Variants in FSTL5 observed in about 807,000 individuals in gnomAD.
FSTL5 encodes the protein follistatin-related protein 5.
FSTL5 carries 62 observed loss-of-function variants against 89.1 expected under a neutral mutation model. The observed-to-expected ratio is 0.70, with a 90% CI of 0.57 to 0.86. The LOEUF is 0.86. FSTL5 is among the 40% of genes least tolerant of loss of function. FSTL5 has a pLI of 0.00. For synonymous variants in FSTL5, 383 were observed against 346.2 expected, an observed-to-expected ratio of 1.11 and a Z score of -1.18; for missense variants, 1,057 against 1,001.6, an observed-to-expected ratio of 1.06 and a Z score of -0.75.
At chr4:161,882,236 T>C (rs1579165613) in intron 4 of FSTL5, among the ~76,000 whole-genome samples, 1 of 152,100 alleles carries the variant, frequency 6.6e-6, no homozygotes, top group East Asian at 1.9e-4. Flanking sequence ...TTCTTTTTCT[T>C]CTCTAAGACT....
At chr4:161,565,126 G>C (rs1184371547) in intron 8 of FSTL5, among the ~76,000 whole-genome samples, 2 of 151,806 alleles carry the variant, frequency 1.3e-5, no homozygotes, top group African/African-American at 4.8e-5. Flanking sequence ...CGAAAGCAAA[G>C]AATTCATAAG....
At chr4:161,640,517 A>T (rs911758168) in intron 7 of FSTL5, among the ~76,000 whole-genome samples, 4 of 152,208 alleles carry the variant, frequency 2.6e-5, no homozygotes, top group African/African-American at 9.6e-5. Context: ...ATAGCAACTA[A>T]AATGAAAAGT....
chr4:162,080,859 C>T (rs918444228), intron 2 of FSTL5, among the ~76,000 whole-genome samples: 2 of 151,484 alleles, frequency 1.3e-5, no homozygotes, highest in African/African-American at 2.4e-5. Flanking sequence ...CAGACAAATC[C>T]TAAATAAATG....
At chr4:161,942,534 T>C in intron 3 of FSTL5, among the ~76,000 whole-genome samples, 1 of 152,000 alleles carries the variant, frequency 6.6e-6, no homozygotes, top group South Asian at 2.1e-4. Context: ...CAATCAAATA[T>C]AGCCCAGGAG....
At chr4:161,670,872 A>G (rs5005966) in intron 6 of FSTL5, among the ~76,000 whole-genome samples, 65,201 of 151,988 alleles carry the variant, frequency 0.43, 14,411 homozygotes, top group East Asian at 0.7. Context: ...AATCAAAATC[A>G]CAGGATACCT....
chr4:161,588,996 TG>T (rs1039379278), intron 7 of FSTL5, among the ~76,000 whole-genome samples: 6 of 138,320 alleles, frequency 4.3e-5, no homozygotes, highest in Admixed American at 7.3e-5. Flanking sequence ...CTATCCCTAA[TG>T]TTTTTTTTTT....
At chr4:161,759,630 G>T in intron 5 of FSTL5, 99 bp from the exon 6 acceptor site, 1 of 727,518 alleles carries the variant, frequency 1.4e-6, no homozygotes, top group Non-Finnish European at 1.9e-6. Flanking sequence ...TTCATTTCAT[G>T]TCTGCAGCAG....
intron 4 of FSTL5, among the ~76,000 whole-genome samples, chr4:161,779,313 T>G (rs1160103763): frequency 6.6e-6 from 1 of 152,164 alleles, no homozygotes; most frequent in African/African-American, 2.4e-5. Flanking sequence ...ATTCTATAAA[T>G]ATGTACAATA....
chr4:161,920,110 T>A (rs916181282), intron 4 of FSTL5, among the ~76,000 whole-genome samples: 1 of 152,208 alleles, frequency 6.6e-6, no homozygotes, highest in Non-Finnish European at 1.5e-5. Context: ...GTAGACTGAA[T>A]TGGCCACCCT....
At position 161,872,663 on chromosome 4, in the gene FSTL5, G is replaced by A. The variant is rs534696353; in HGVS notation, c.409+47741C>T. Among the ~76,000 whole-genome samples the A allele has an allele frequency of 6.6e-5, 10 of 152,260 alleles. No individual in the cohort carries two copies. The South Asian group carries it at 2.1e-3, about 32-fold the overall frequency. On this transcript the variant is annotated intron_variant, in intron 4 of 15. Transcript: ENST00000306100. ...TTGAGTATCAAGAGTGACAGACGAAGGCAAATTCAGACTGAAGTTAGGTGA... is the reference window on the plus strand; with the variant it reads ...TTGAGTATCAAGAGTGACAGACGAAAGCAAATTCAGACTGAAGTTAGGTGA...
intron 6 of FSTL5, among the ~76,000 whole-genome samples, chr4:161,754,720 C>T (rs1476964359): frequency 6.6e-6 from 1 of 151,944 alleles, no homozygotes; most frequent in Non-Finnish European, 1.5e-5. Context: ...GTTTCATAAC[C>T]TAAGCAAATA....
chr4:161,486,165 A>AAAAAAAT (rs201126683), intron 12 of FSTL5, among the ~76,000 whole-genome samples: 4 of 147,516 alleles, frequency 2.7e-5, no homozygotes, highest in Non-Finnish European at 4.5e-5. Flanking sequence ...AAAAAAAAAA[A>AAAAAAAT]GTAAATATCT....
At chr4:161,979,178 A>G (rs536018042) in intron 3 of FSTL5, among the ~76,000 whole-genome samples, 2 of 152,164 alleles carry the variant, frequency 1.3e-5, no homozygotes, top group African/African-American at 2.4e-5. Context: ...GTCCTAGCCC[A>G]TATTGGCTTA....
At chr4:162,091,633 T>G (rs943288219) in intron 2 of FSTL5, among the ~76,000 whole-genome samples, 1 of 152,158 alleles carries the variant, frequency 6.6e-6, no homozygotes, top group Admixed American at 6.6e-5. Context: ...AAGGTTTCAT[T>G]TGTGGCCTGA....
intron 3 of FSTL5, among the ~76,000 whole-genome samples, chr4:162,000,210 T>A (rs1736419034): frequency 6.6e-6 from 1 of 152,220 alleles, no homozygotes; most frequent in Non-Finnish European, 1.5e-5. Flanking sequence ...GCAGATTGAA[T>A]AATTTTCTTT....
chr4:161,997,094 C>A (rs1736317397), intron 3 of FSTL5, among the ~76,000 whole-genome samples: 2 of 152,104 alleles, frequency 1.3e-5, no homozygotes, highest in South Asian at 2.1e-4. Flanking sequence ...AACATTTTAA[C>A]TTTTTATTAC....
At position 161,542,634 on chromosome 4, in the gene FSTL5, T is replaced by C. The variant is rs1731866921; in HGVS notation, c.1075A>G (p.Ser359Gly). The change falls in exon 9 of 16, where the codon AGT becomes GGT. Residue 359 changes from serine (S) to glycine (G), a missense_variant. Physicochemically the swap from Ser to Gly is moderately conservative, Grantham distance 56. This residue lies in a region of FSTL5 where 980 missense variants were observed against 903.2 expected (regional missense o/e 1.08). Transcript: ENST00000306100. ...ATGCCCTCTGCATGGCACCTAAGACTGGCAGTTACCCCAGGCTCTCTAGCC... is the reference window on the plus strand; with the variant it reads ...ATGCCCTCTGCATGGCACCTAAGACCGGCAGTTACCCCAGGCTCTCTAGCC... The part of the protein sequence containing the change: ...SQAREPGVTA[S>G]LRCHAEGIPK... 1.3e-6 allele frequency: 2 copies of C among 1,562,706 alleles called. No homozygotes were observed. Among genetic ancestry groups the C allele is most frequent in the Middle Eastern group, 1.7e-4 (1 of 5,846 alleles).
intron 15 of FSTL5, among the ~76,000 whole-genome samples, chr4:161,420,640 C>T (rs1300986575): frequency 6.6e-6 from 1 of 151,220 alleles, no homozygotes; most frequent in Non-Finnish European, 1.5e-5. Flanking sequence ...TATTCAATAC[C>T]ATATATATGC....
chr4:161,532,912 A>G (rs1232460312), intron 10 of FSTL5, among the ~76,000 whole-genome samples: 1 of 152,188 alleles, frequency 6.6e-6, no homozygotes, highest in African/African-American at 2.4e-5. Flanking sequence ...ATAGAAATCA[A>G]TACCAAGAAA....
Sources: allele counts gnomAD v4.1 joint callset (sites outside exome capture counted in the v4.1 genomes callset), GRCh38; gene constraint gnomAD v4.1.1; regional missense constraint gnomAD v4.1.1; transcripts MANE v1.5; gene names NCBI Gene and HGNC (gene_info 2026-07-23, HGNC 2026-07-21).